FAF2: variants seen among roughly 807,000 people sequenced by gnomAD.
FAF2 encodes Fas associated factor family member 2, also known as FAS-associated factor 2.
In FAF2, 9 loss-of-function variants were observed where a neutral mutation model predicts 62.3. The observed-to-expected ratio is 0.14, with a 90% CI of 0.09 to 0.25. The LOEUF (loss-of-function observed/expected upper bound fraction) is 0.25, where lower values mean the gene tolerates loss of function less well. Among genes scored for constraint, FAF2 ranks in the 10% least tolerant of loss-of-function variants. The pLI is 1.00. For synonymous variants in FAF2, 202 were observed against 198.0 expected, an observed-to-expected ratio of 1.02 and a Z score of -0.17; for missense variants, 368 against 556.2, an observed-to-expected ratio of 0.66 and a Z score of 3.40.
rs1704050868 is a variant in FAF2 at position 176,448,456 on chromosome 5, C to T, written c.49C>T (p.Leu17=). The T allele has an allele frequency of 1.2e-6, 2 of 1,603,262 alleles. No individual in the cohort carries two copies. The highest frequency in any genetic ancestry group is 1.7e-6 in the Non-Finnish European group (2 of 1,175,260). The change falls in exon 1 of 11, where the codon CTG becomes TTG. Residue 17 remains leucine, a synonymous_variant. Transcript: ENST00000261942. ...TCTAACCCAGGAGCAGACAGAGAAG[C>T]TGCTGCAGTTTCAGGTAGCAGCGAG... ...RDLTQEQTEK[L]LQFQDLTGIE...
intron 1 of FAF2, among the ~76,000 whole-genome samples, chr5:176,469,747 A>G (rs1407566771): frequency 6.6e-6 from 1 of 152,200 alleles, no homozygotes; most frequent in Non-Finnish European, 1.5e-5. Context: ...TAATAGTGAA[A>G]ATTGGAAGCA....
intron 2 of FAF2, among the ~76,000 whole-genome samples, chr5:176,485,032 C>T (rs556276370): frequency 6.6e-6 from 1 of 152,270 alleles, no homozygotes; most frequent in Non-Finnish European, 1.5e-5. Flanking sequence ...TATGGTCACA[C>T]TTCTGCAAAA....
At chr5:176,492,671 T>C (rs1270911768) in intron 5 of FAF2, among the ~76,000 whole-genome samples, 1 of 152,210 alleles carries the variant, frequency 6.6e-6, no homozygotes, top group Non-Finnish European at 1.5e-5. Context: ...TTTTTGCTAA[T>C]TGGAATCTTG....
intron 10 of FAF2, among the ~76,000 whole-genome samples, chr5:176,504,415 C>A (rs903054968): frequency 6.6e-6 from 1 of 151,984 alleles, no homozygotes; most frequent in African/African-American, 2.4e-5. Context: ...GAAACCCCAT[C>A]TCTACAAAAA....
intron 1 of FAF2, among the ~76,000 whole-genome samples, chr5:176,469,342 A>G (rs1758521763): frequency 6.6e-6 from 1 of 152,248 alleles, no homozygotes; most frequent in Non-Finnish European, 1.5e-5. Flanking sequence ...TAAGTCTAAC[A>G]TTCCTCTGCT....
intron 3 of FAF2, among the ~76,000 whole-genome samples, chr5:176,487,009 A>G (rs1438779615): frequency 2.0e-5 from 3 of 152,214 alleles, no homozygotes; most frequent in African/African-American, 7.2e-5. Flanking sequence ...AGATGTGTAC[A>G]CTGATAATGA....
At chr5:176,484,198 C>T (rs1758834799) in intron 2 of FAF2, among the ~76,000 whole-genome samples, 1 of 152,216 alleles carries the variant, frequency 6.6e-6, no homozygotes, top group Non-Finnish European at 1.5e-5. Flanking sequence ...TAACAATATG[C>T]ATGAAGTATA....
At chr5:176,506,192 C>CAAAA (rs1166725144) in intron 10 of FAF2, among the ~76,000 whole-genome samples, 3 of 64,784 alleles carry the variant, frequency 4.6e-5, no homozygotes, top group African/African-American at 6.9e-5. Context: ...GAGACTCTCT[C>CAAAA]AAAAAAAAAA....
intron 1 of FAF2, among the ~76,000 whole-genome samples, chr5:176,475,277 G>T (rs180711844): frequency 6.6e-6 from 1 of 151,916 alleles, no homozygotes; most frequent in African/African-American, 2.4e-5. Context: ...GACTACAGGC[G>T]CACCACCACA....
chr5:176,486,306 G>A (rs769465101), intron 2 of FAF2, 49 bp from the exon 3 acceptor site: 5 of 1,606,976 alleles, frequency 3.1e-6, no homozygotes, highest in Non-Finnish European at 4.3e-6. Context: ...CTTGTTGTTG[G>A]TTGATTTGAG....
intron 2 of FAF2, among the ~76,000 whole-genome samples, chr5:176,481,295 C>T (rs1035102462): frequency 3.3e-5 from 5 of 152,142 alleles, no homozygotes; most frequent in Non-Finnish European, 5.9e-5. Context: ...ATCCACCCAC[C>T]TCCGCCTCCC....
At chr5:176,500,261 CAGAG>C (rs112320561) in intron 10 of FAF2, 115 bp downstream of exon 10, 2,467 of 877,500 alleles carry the variant, frequency 2.8e-3, no homozygotes, top group South Asian at 5.4e-3. Flanking sequence ...GAACAGGGAA[CAGAG>C]AGAGAGAGAG....
intron 2 of FAF2, among the ~76,000 whole-genome samples, 153 bp from the exon 3 acceptor site, chr5:176,486,202 G>A (rs780883903): frequency 1.3e-5 from 2 of 152,150 alleles, no homozygotes; most frequent in Admixed American, 6.5e-5. Flanking sequence ...AAGTACAGCC[G>A]GTTAACAGGC....
At chr5:176,504,663 G>T (rs1362303182) in intron 10 of FAF2, among the ~76,000 whole-genome samples, 1 of 152,082 alleles carries the variant, frequency 6.6e-6, no homozygotes, top group Admixed American at 6.6e-5. Context: ...TGCATGTTAA[G>T]AAAGAGTGAA....
intron 10 of FAF2, among the ~76,000 whole-genome samples, chr5:176,505,572 G>A (rs1257377929): frequency 6.6e-6 from 1 of 152,138 alleles, no homozygotes; most frequent in Non-Finnish European, 1.5e-5. Flanking sequence ...CACCCGAGCA[G>A]TATACACTAT....
At chr5:176,457,653 G>GGGGTGT (rs1554131308) in intron 1 of FAF2, among the ~76,000 whole-genome samples, 1 of 149,986 alleles carries the variant, frequency 6.7e-6, no homozygotes, top group East Asian at 2.0e-4. Flanking sequence ...TGTTTTCAGG[G>GGGGTGT]GTGTGTGTGT....
At chr5:176,449,012 C>T (rs1169669826) in intron 1 of FAF2, among the ~76,000 whole-genome samples, 2 of 152,156 alleles carry the variant, frequency 1.3e-5, no homozygotes, top group African/African-American at 4.8e-5. Flanking sequence ...GGGAGGACAC[C>T]AAGTGAGGAA....
intron 1 of FAF2, among the ~76,000 whole-genome samples, chr5:176,451,765 CAT>C (rs201499336): frequency 6.9e-5 from 8 of 116,044 alleles, no homozygotes; most frequent in East Asian, 2.4e-4. Flanking sequence ...TGTATATATA[CAT>C]ATATATACGT....
chr5:176,474,307 A>C (rs1758622872), intron 1 of FAF2, among the ~76,000 whole-genome samples: 1 of 152,158 alleles, frequency 6.6e-6, no homozygotes, highest in African/African-American at 2.4e-5. Context: ...AATTGTTCAA[A>C]TCTGGGATAC....
Sources: allele counts gnomAD v4.1 joint callset (sites outside exome capture counted in the v4.1 genomes callset), GRCh38; gene constraint gnomAD v4.1.1; transcripts MANE v1.5; gene names NCBI Gene and HGNC (gene_info 2026-07-23, HGNC 2026-07-21).